DOCK10: variants seen among roughly 807,000 people sequenced by gnomAD.
DOCK10 encodes dedicator of cytokinesis 10, also known as dedicator of cytokinesis protein 10.
In DOCK10, 145 loss-of-function variants were observed where a neutral mutation model predicts 280.1. That is an observed-to-expected ratio of 0.52 (90% CI 0.45 to 0.59). DOCK10 has a LOEUF of 0.59. Among genes scored for constraint, DOCK10 ranks in the 20% least tolerant of loss-of-function variants. The pLI is 0.00. For missense variants in DOCK10, 2,368 were observed against 2,651.7 expected (o/e 0.89, Z 2.35); for synonymous variants, 915 against 942.2 (o/e 0.97, Z 0.53).
At chr2:224,998,939 C>T (rs1372458797) in intron 1 of DOCK10, among the ~76,000 whole-genome samples, 1 of 152,170 alleles carries the variant, frequency 6.6e-6, no homozygotes, top group Non-Finnish European at 1.5e-5. Flanking sequence ...GTAATCCCAG[C>T]ACTTTGAGAG....
At chr2:224,895,831 GC>G (rs777972560) in intron 4 of DOCK10, among the ~76,000 whole-genome samples, 1,066 of 88,912 alleles carry the variant, frequency 0.012, 11 homozygotes, top group Non-Finnish European at 0.014. Flanking sequence ...GTGTGTGTGT[GC>G]GTGTGTGTGT....
At chr2:224,893,618 C>G (rs1699827041) in intron 4 of DOCK10, 1 of 450,000 alleles carries the variant, frequency 2.2e-6, no homozygotes, top group Admixed American at 2.7e-5. Context: ...AGCCTGAAGT[C>G]ATCTATTTCT....
intron 43 of DOCK10, 38 bp from the exon 44 acceptor site, chr2:224,796,464 C>G: frequency 7.8e-7 from 1 of 1,284,456 alleles, no homozygotes; most frequent in South Asian, 1.3e-5. Context: ...AAAACAAGAC[C>G]AGAAATAGTC....
At position 224,876,226 on chromosome 2, in the gene DOCK10, G is replaced by A. The variant is rs756111440; in HGVS notation, c.748-5C>T. ...ATATTTTCTTAGTCTGTTATTCTGT[G>A]GTATAAAAAGAAAGAAAGAAAAAGA... is the stretch of plus-strand genomic sequence containing the variant. On this transcript the variant is annotated splice_polypyrimidine_tract_variant and splice_region_variant and intron_variant, in intron 7 of 55. Transcript: ENST00000258390. The A allele has an allele frequency of 1.9e-6, 3 of 1,582,968 alleles. No individual in the cohort carries two copies. The highest frequency in any genetic ancestry group is 2.6e-6 in the Non-Finnish European group (3 of 1,164,320).
Position 224,780,194 on chromosome 2 carries a change from T to A in DOCK10, c.5656-1910A>T, listed in dbSNP as rs1479211757. The stretch of plus-strand genomic sequence containing the variant: ...CAAACTGCTACAAAGTGTCATATGA[T>A]GTTGAAAGCATGTAAAGCAGCTCCT... On this transcript the variant is annotated intron_variant, in intron 50 of 55. Transcript: ENST00000258390. 2.0e-5 allele frequency among the ~76,000 whole-genome samples: 3 copies of A among 152,240 alleles called. No homozygotes were observed. The East Asian group carries it at 5.8e-4, about 29-fold the overall frequency.
chr2:224,842,189 G>A (rs1485568419), intron 22 of DOCK10, among the ~76,000 whole-genome samples: 1 of 152,090 alleles, frequency 6.6e-6, no homozygotes, highest in Admixed American at 6.6e-5. Flanking sequence ...TGCTTTTTGT[G>A]TTTAGAAAAA....
intron 1 of DOCK10, among the ~76,000 whole-genome samples, chr2:225,034,718 T>C (rs1422139593): frequency 2.0e-5 from 3 of 152,202 alleles, no homozygotes; most frequent in Non-Finnish European, 2.9e-5. Flanking sequence ...ATAGCACTTA[T>C]ATTACAAGGC....
intron 28 of DOCK10, among the ~76,000 whole-genome samples, chr2:224,822,554 G>A (rs888250064): frequency 2.4e-4 from 37 of 151,958 alleles, no homozygotes; most frequent in South Asian, 8.3e-4. Context: ...GCAAAACCCC[G>A]TCTCTACAAA....
At chr2:224,784,924 A>G (rs1358258222) in intron 50 of DOCK10, among the ~76,000 whole-genome samples, 2 of 152,052 alleles carry the variant, frequency 1.3e-5, no homozygotes, top group African/African-American at 4.8e-5. Context: ...TTACTTTTTC[A>G]TTGGAAGGAA....
chr2:224,830,930 T>C (rs1409376299), intron 26 of DOCK10, among the ~76,000 whole-genome samples: 1 of 151,552 alleles, frequency 6.6e-6, no homozygotes, highest in Non-Finnish European at 1.5e-5. Flanking sequence ...TTTTATTTAT[T>C]TATTTATTTA....
intron 1 of DOCK10, among the ~76,000 whole-genome samples, chr2:225,004,822 G>C (rs567315754): frequency 3.7e-4 from 56 of 152,344 alleles, no homozygotes; most frequent in Non-Finnish European, 6.9e-4. Flanking sequence ...AAAGCCATTA[G>C]AGTTTGTCCA....
chr2:224,920,704 T>G (rs1297837418), intron 2 of DOCK10, among the ~76,000 whole-genome samples: 1 of 152,090 alleles, frequency 6.6e-6, no homozygotes, highest in African/African-American at 2.4e-5. Flanking sequence ...TAATAAAATT[T>G]TTATACAAAA....
rs1045446604 is a variant in DOCK10 at position 224,807,761 on chromosome 2, A to G, written c.3609T>C (p.Ser1203=). ...REPRKQAQIA[S]LYMPLYGMLL... ...GCATGCCGTACAGGGGCATGTATAAACTTGCTATCTGGGCCTGCTTTCTCT... is the reference window on the plus strand; with the variant it reads ...GCATGCCGTACAGGGGCATGTATAAGCTTGCTATCTGGGCCTGCTTTCTCT... The change falls in exon 33 of 56, where the codon AGT becomes AGC. Residue 1203 remains serine, a synonymous_variant. Transcript: ENST00000258390. 6.4e-7 allele frequency: 1 copy of G among 1,570,976 alleles called. No individual in the cohort carries two copies. Among genetic ancestry groups the G allele is most frequent in the Non-Finnish European group, 8.6e-7 (1 of 1,156,832 alleles).
chr2:224,913,903 T>G (rs141304578), intron 3 of DOCK10, among the ~76,000 whole-genome samples: 1,783 of 151,266 alleles, frequency 0.012, 26 homozygotes, highest in African/African-American at 0.034. Context: ...AATTTTTTGG[T>G]TTTTTTTTGT....
intron 1 of DOCK10, among the ~76,000 whole-genome samples, chr2:224,937,162 T>A (rs1355383526): frequency 3.9e-5 from 6 of 152,162 alleles, no homozygotes; most frequent in Non-Finnish European, 7.4e-5. Context: ...TAAATACTCA[T>A]GTGTATTGGT....
chr2:224,799,967 A>C (rs1252805894), intron 41 of DOCK10, among the ~76,000 whole-genome samples, 184 bp downstream of exon 41: 1 of 152,166 alleles, frequency 6.6e-6, no homozygotes, highest in Non-Finnish European at 1.5e-5. Context: ...TCAAACAAAC[A>C]TTAGTCAACC....
At chr2:224,831,534 A>AG (rs1286143526) in intron 26 of DOCK10, among the ~76,000 whole-genome samples, 1 of 152,102 alleles carries the variant, frequency 6.6e-6, no homozygotes, top group African/African-American at 2.4e-5. Flanking sequence ...TACTTTAAAA[A>AG]ACAAAGCTTC....
chr2:224,843,702 A>C, intron 22 of DOCK10, among the ~76,000 whole-genome samples: 1 of 152,310 alleles, frequency 6.6e-6, no homozygotes. Context: ...AGAAATACAT[A>C]TTTTATGTAC....
chr2:224,770,390 G>GA lies in DOCK10; in HGVS notation c.6306-42dup, dbSNP rs1690358380. The GA allele has an allele frequency of 1.3e-6, 2 of 1,566,272 alleles. No individual in the cohort carries two copies. The highest frequency in any genetic ancestry group is 1.7e-6 in the Non-Finnish European group (2 of 1,155,416). ...TAAACAAATTAAAAACCAGCCCTCG[G>GA]AAGTGGCATTGAGCTCAGTGACTGT... On this transcript the variant is annotated intron_variant, in intron 54 of 55. Transcript: ENST00000258390. The surrounding 1 kb of genome is among the most constrained non-coding windows in gnomAD (Gnocchi z 4.5).
Sources: gnomAD v4.1 joint callset for allele counts (sites outside exome capture counted in the v4.1 genomes callset) on GRCh38, gnomAD v4.1.1 for gene constraint, Gnocchi (gnomAD v3.1) non-coding constraint, MANE v1.5 for transcripts, NCBI Gene and HGNC (gene_info 2026-07-23, HGNC 2026-07-21) for gene names.